Variants in NCKAP5 observed in about 807,000 individuals in gnomAD.
NCKAP5 encodes the protein nck-associated protein 5.
NCKAP5 carries 92 observed loss-of-function variants against 167.0 expected under a neutral mutation model. That is an observed-to-expected ratio of 0.55 (90% CI 0.47 to 0.66). The LOEUF (loss-of-function observed/expected upper bound fraction) is 0.66, where lower values mean the gene tolerates loss of function less well. NCKAP5 is among the 30% of genes least tolerant of loss of function. NCKAP5 has a pLI of 0.00. For missense variants in NCKAP5, 2,378 were observed against 2,315.0 expected, an observed-to-expected ratio of 1.03 and a Z score of -0.56; for synonymous variants, 891 against 877.4, an observed-to-expected ratio of 1.02 and a Z score of -0.27.
intron 6 of NCKAP5, among the ~76,000 whole-genome samples, chr2:133,017,862 C>T (rs2078394125): frequency 6.6e-6 from 1 of 152,114 alleles, no homozygotes; most frequent in South Asian, 2.1e-4. Context: ...ATGGGCAACA[C>T]TTCTCCCCTG....
the NCKAP5 span, among the ~76,000 whole-genome samples, chr2:133,630,767 C>G: frequency 6.6e-6 from 1 of 152,104 alleles, no homozygotes; most frequent in East Asian, 1.9e-4. Context: ...TTAGGCCATC[C>G]CAGATCATCC....
chr2:133,133,918 C>T (rs138433764), intron 5 of NCKAP5, among the ~76,000 whole-genome samples: 23 of 152,288 alleles, frequency 1.5e-4, no homozygotes, highest in Middle Eastern at 3.4e-3. Context: ...CCCTAAGTCT[C>T]CCACTTTTTT....
the NCKAP5 span, among the ~76,000 whole-genome samples, chr2:133,590,643 C>T: frequency 6.6e-6 from 1 of 151,910 alleles, no homozygotes; most frequent in Non-Finnish European, 1.5e-5. Flanking sequence ...GTAGAAATTC[C>T]CAAAGGAGGA....
intron 3 of NCKAP5, among the ~76,000 whole-genome samples, chr2:133,335,600 A>G (rs894299547): frequency 6.6e-6 from 1 of 152,202 alleles, no homozygotes; most frequent in Non-Finnish European, 1.5e-5. Context: ...ACCACAAAAA[A>G]GTTAAATAAA....
At chr2:132,724,169 C>T (rs1690220306) in intron 19 of NCKAP5, among the ~76,000 whole-genome samples, 1 of 152,160 alleles carries the variant, frequency 6.6e-6, no homozygotes, top group Admixed American at 6.5e-5. Context: ...CTTGGTGAGG[C>T]TCCTTCTGAC....
intron 4 of NCKAP5, among the ~76,000 whole-genome samples, chr2:133,284,007 T>C (rs1022787271): frequency 2.0e-5 from 3 of 152,144 alleles, no homozygotes; most frequent in Admixed American, 6.5e-5. Flanking sequence ...ACTCAAGAAC[T>C]TGTAGAACTC....
chr2:133,052,192 C>T (rs1368154394), intron 6 of NCKAP5, among the ~76,000 whole-genome samples: 2 of 152,164 alleles, frequency 1.3e-5, no homozygotes, highest in African/African-American at 4.8e-5. Context: ...AATAAACACA[C>T]CATTAATCCA....
chr2:132,893,421 C>A (rs868169504), intron 8 of NCKAP5, among the ~76,000 whole-genome samples: 11 of 152,038 alleles, frequency 7.2e-5, no homozygotes, highest in African/African-American at 2.7e-4. Flanking sequence ...ATTGACAGTA[C>A]AATGAATAAT....
chr2:132,728,748 T>C, intron 18 of NCKAP5, 68 bp downstream of exon 18: 1 of 1,563,020 alleles, frequency 6.4e-7, no homozygotes, highest in South Asian at 1.2e-5. Context: ...AAAAGTGTTT[T>C]TAGGGTACAC....
intron 6 of NCKAP5, among the ~76,000 whole-genome samples, chr2:133,035,509 G>C (rs769247522): frequency 3.3e-5 from 5 of 151,986 alleles, no homozygotes; most frequent in Non-Finnish European, 1.5e-5. Flanking sequence ...CATATGTTAC[G>C]TAACAAAACA....
intron 3 of NCKAP5, among the ~76,000 whole-genome samples, chr2:133,359,616 T>C (rs1394564639): frequency 6.6e-6 from 1 of 152,224 alleles, no homozygotes; most frequent in Non-Finnish European, 1.5e-5. Context: ...GAATTCACCA[T>C]TAAAGTGAAG....
At position 132,725,671 on chromosome 2, in the gene NCKAP5, G is replaced by C. The variant is rs1375835767; in HGVS notation, c.5669C>G (p.Ala1890Gly). ...DLDYGDNGFG[A>G]GRGQLVKALK... Reference sequence around the variant, plus strand: ...TGCTTTCACTAACTGTCCCCTTCCAGCTCCAAAACCATTATCTCCATAGTC... The same window carrying C: ...TGCTTTCACTAACTGTCCCCTTCCACCTCCAAAACCATTATCTCCATAGTC... The change falls in exon 19 of 20, where the codon GCT becomes GGT. Residue 1890 changes from alanine to glycine, a missense_variant. This residue lies in a region of NCKAP5 where 1,325 missense variants were observed against 1,274.5 expected (regional missense o/e 1.04). Transcript: ENST00000409261. 2 of 1,612,622 alleles carry C rather than the reference G, an allele frequency of 1.2e-6. No individual in the cohort carries two copies. Among genetic ancestry groups the C allele is most frequent in the African/African-American group, 2.7e-5 (2 of 74,870 alleles).
chr2:133,539,002 G>A (rs1162881482), intron 2 of NCKAP5, among the ~76,000 whole-genome samples: 5 of 143,454 alleles, frequency 3.5e-5, no homozygotes, highest in South Asian at 2.3e-4. Flanking sequence ...GTGCAGTGGC[G>A]CGATCTCGAC....
intron 4 of NCKAP5, among the ~76,000 whole-genome samples, chr2:133,286,140 C>G: frequency 6.6e-6 from 1 of 151,978 alleles, no homozygotes; most frequent in Non-Finnish European, 1.5e-5. Context: ...GGATTACAGG[C>G]GCCCACTACC....
chr2:133,089,746 C>T (rs80258161), intron 6 of NCKAP5, among the ~76,000 whole-genome samples: 13,417 of 152,184 alleles, frequency 0.088, 877 homozygotes, highest in African/African-American at 0.18. Context: ...GTTTGGGAAT[C>T]TTTATTGCAT....
At chr2:133,210,418 T>C (rs2086161246) in intron 5 of NCKAP5, among the ~76,000 whole-genome samples, 1 of 152,068 alleles carries the variant, frequency 6.6e-6, no homozygotes, top group Non-Finnish European at 1.5e-5. Flanking sequence ...GCTTACATAA[T>C]TTCTTCTATA....
At chr2:133,445,195 C>T (rs1821627) in intron 3 of NCKAP5, among the ~76,000 whole-genome samples, 49,621 of 151,638 alleles carry the variant, frequency 0.33, 8,480 homozygotes, top group African/African-American at 0.35. Context: ...TGAATTAATA[C>T]AAGAAATGAG....
intron 4 of NCKAP5, among the ~76,000 whole-genome samples, chr2:133,287,463 G>A (rs1164178601): frequency 6.6e-6 from 1 of 152,152 alleles, no homozygotes; most frequent in Non-Finnish European, 1.5e-5. Flanking sequence ...AATTTCTAGA[G>A]GATATTGAAG....
chr2:133,416,438 C>A lies in NCKAP5; in HGVS notation c.69+101020G>T, dbSNP rs1327530961. ...CAACTTTTTCACATTCAGAAAACTA[C>A]CTTCATGATTTCTGAGAACCTGACA... On this transcript the variant is annotated intron_variant, in intron 3 of 19. Coordinates refer to ENST00000409261, the MANE Select transcript of NCKAP5 (RefSeq NM_207363.3). 3.3e-5 allele frequency among the ~76,000 whole-genome samples: 5 copies of A among 152,184 alleles called. No homozygotes were observed. The East Asian group carries it at 9.7e-4, about 29-fold the overall frequency.
Sources: gnomAD v4.1 joint callset for allele counts (sites outside exome capture counted in the v4.1 genomes callset) on GRCh38, gnomAD v4.1.1 for gene constraint, gnomAD v4.1.1 regional missense constraint, MANE v1.5 for transcripts, NCBI Gene and HGNC (gene_info 2026-07-23, HGNC 2026-07-21) for gene names.